The following GSTCD variants were observed in gnomAD, a reference collection of about 807,000 sequenced individuals.
GSTCD encodes the protein glutathione S-transferase C-terminal domain-containing protein.
GSTCD carries 44 observed loss-of-function variants against 68.3 expected under a neutral mutation model. The observed-to-expected ratio is 0.64, with a 90% confidence interval of 0.51 to 0.83. The LOEUF is 0.83. Ranked by LOEUF, GSTCD falls within the 40% of genes least tolerant of loss-of-function variation. The pLI is 0.00. For missense variants in GSTCD, 739 were observed against 735.9 expected (o/e 1.00, Z -0.05); for synonymous variants, 273 against 255.2 (o/e 1.07, Z -0.67).
At chr4:105,777,802 C>G (rs1735127017) in intron 5 of GSTCD, among the ~76,000 whole-genome samples, 1 of 152,142 alleles carries the variant, frequency 6.6e-6, no homozygotes, top group Non-Finnish European at 1.5e-5. Context: ...GTTTGTAACA[C>G]ACTTAGTACC....
chr4:105,834,533 G>C lies in GSTCD; in HGVS notation c.1603G>C (p.Val535Leu), dbSNP rs745737813. ...EHCIKTRASF[V>L]TCPCCYGFIQ... The stretch of plus-strand genomic sequence containing the variant: ...CTGTATCAAAACACGGGCTTCCTTC[G>C]TCACATGCCCTTGCTGTTATGGTTT... The change falls in exon 9 of 12, where the codon GTC becomes CTC. Residue 535 changes from valine (V) to leucine (L), a missense_variant. Val to Leu is a conservative substitution (Grantham distance 32, BLOSUM62 1). Coordinates refer to ENST00000515279, the MANE Select transcript of GSTCD (RefSeq NM_001370181.1). 2 of 1,614,076 alleles carry C rather than the reference G, an allele frequency of 1.2e-6. No individual in the cohort carries two copies. Among genetic ancestry groups the C allele is most frequent in the Non-Finnish European group, 1.7e-6 (2 of 1,179,976 alleles).
intron 5 of GSTCD, among the ~76,000 whole-genome samples, chr4:105,763,944 C>CA (rs879607284): frequency 8.9e-5 from 13 of 145,838 alleles, no homozygotes; most frequent in South Asian, 4.4e-4. Flanking sequence ...TTATTGGTCA[C>CA]AAAAAAAAAA....
intron 5 of GSTCD, among the ~76,000 whole-genome samples, chr4:105,780,185 C>T (rs1397053710): frequency 2.0e-5 from 3 of 152,148 alleles, no homozygotes; most frequent in Non-Finnish European, 4.4e-5. Flanking sequence ...AAGATGGTAT[C>T]CTCACCACAT....
At chr4:105,746,124 A>G (rs1313775871) in intron 5 of GSTCD, 1 of 152,218 alleles carries the variant, frequency 6.6e-6, no homozygotes, top group Non-Finnish European at 1.5e-5. Context: ...CTCCCCAAAA[A>G]CTTAATAGCC....
At chr4:105,729,359 G>T in intron 4 of GSTCD, 47 bp from the exon 5 acceptor site, 2 of 1,171,410 alleles carry the variant, frequency 1.7e-6, no homozygotes, top group Non-Finnish European at 1.3e-6. Context: ...AATATAATAA[G>T]ACTATATTAA....
chr4:105,847,148 G>A lies in GSTCD; in HGVS notation c.*1571G>A, dbSNP rs1724579671. 6.6e-6 allele frequency: 1 copy of A among 152,084 alleles called. No individual in the cohort carries two copies. The highest frequency in any genetic ancestry group is 2.4e-5 in the African/African-American group (1 of 41,408). The allele number at this position is 152,084 out of a possible 1,614,324, so 9.4% of individuals were successfully genotyped here. On this transcript the variant is annotated 3_prime_UTR_variant, in exon 12 of 12. Coordinates refer to ENST00000515279, the MANE Select transcript of GSTCD (RefSeq NM_001370181.1). Reference sequence around the variant, plus strand: ...AAATGATGCATCCTTTCTCAATGCTGCTAATTCTTTAAATTTTACATGTCC... The same window carrying A: ...AAATGATGCATCCTTTCTCAATGCTACTAATTCTTTAAATTTTACATGTCC...
intron 3 of GSTCD, among the ~76,000 whole-genome samples, chr4:105,722,860 T>C (rs558410825): frequency 1.3e-5 from 2 of 152,030 alleles, no homozygotes; most frequent in African/African-American, 4.8e-5. Flanking sequence ...AATCATTCCT[T>C]ATGAAGAAAT....
intron 5 of GSTCD, among the ~76,000 whole-genome samples, chr4:105,765,276 C>A (rs564452262): frequency 1.4e-4 from 21 of 152,264 alleles, no homozygotes; most frequent in African/African-American, 4.8e-4. Context: ...AGGTAAAACT[C>A]ATTTGATCAG....
intron 5 of GSTCD, among the ~76,000 whole-genome samples, chr4:105,744,418 A>G (rs1434614274): frequency 6.6e-6 from 1 of 152,172 alleles, no homozygotes; most frequent in African/African-American, 2.4e-5. Context: ...CTTCTTGCCT[A>G]TGATAGTTAC....
At chr4:105,779,347 C>T (rs1285839086) in intron 5 of GSTCD, among the ~76,000 whole-genome samples, 4 of 152,094 alleles carry the variant, frequency 2.6e-5, no homozygotes, top group Admixed American at 2.6e-4. Flanking sequence ...GCAGGAATAG[C>T]ATAGAAGTGA....
chr4:105,823,091 C>A, intron 6 of GSTCD, 22 bp downstream of exon 6: 1 of 1,587,732 alleles, frequency 6.3e-7, no homozygotes, highest in Non-Finnish European at 8.6e-7. Context: ...CTCCTTTCAT[C>A]CTTTTTAGTC....
At chr4:105,842,390 A>G (rs1481957629) in intron 11 of GSTCD, among the ~76,000 whole-genome samples, 1 of 152,254 alleles carries the variant, frequency 6.6e-6, no homozygotes, top group East Asian at 1.9e-4. Flanking sequence ...TTCTTACATT[A>G]AATCTCTTAC....
chr4:105,807,673 A>C (rs1275032503), intron 5 of GSTCD, among the ~76,000 whole-genome samples: 1 of 152,112 alleles, frequency 6.6e-6, no homozygotes, highest in East Asian at 1.9e-4. Flanking sequence ...CCAGCATACT[A>C]TAGAGCTAAT....
chr4:105,725,771 A>G (rs1733010053), intron 3 of GSTCD, among the ~76,000 whole-genome samples: 2 of 152,294 alleles, frequency 1.3e-5, no homozygotes, highest in Non-Finnish European at 2.9e-5. Flanking sequence ...ATGGCAAATA[A>G]TCACATGAAA....
chr4:105,842,322 A>G (rs1486177390), intron 11 of GSTCD, among the ~76,000 whole-genome samples, 188 bp downstream of exon 11: 12 of 152,206 alleles, frequency 7.9e-5, no homozygotes, highest in Non-Finnish European at 1.6e-4. Context: ...ATTTTATCCT[A>G]TTTTGGTTAA....
intron 1 of GSTCD, among the ~76,000 whole-genome samples, chr4:105,713,757 T>C (rs943647552): frequency 6.6e-6 from 1 of 151,880 alleles, no homozygotes; most frequent in Non-Finnish European, 1.5e-5. Flanking sequence ...AGATAACTTA[T>C]TTGAAAAAAC....
chr4:105,731,861 C>CA (rs1303521646), intron 5 of GSTCD, among the ~76,000 whole-genome samples: 1 of 152,136 alleles, frequency 6.6e-6, no homozygotes, highest in Non-Finnish European at 1.5e-5. Context: ...TTTTGAGAAA[C>CA]ATCCCATCAA....
chr4:105,737,619 C>T (rs1337883292), intron 5 of GSTCD, among the ~76,000 whole-genome samples: 1 of 152,118 alleles, frequency 6.6e-6, no homozygotes, highest in Non-Finnish European at 1.5e-5. Flanking sequence ...TTGGGTCTTA[C>T]ATTTAAGTCT....
chr4:105,813,210 A>G (rs1722824945), intron 5 of GSTCD, among the ~76,000 whole-genome samples: 2 of 152,230 alleles, frequency 1.3e-5, no homozygotes, highest in Non-Finnish European at 2.9e-5. Context: ...GATATAATAA[A>G]TAAAATATGC....
Sources: allele counts gnomAD v4.1 joint callset (sites outside exome capture counted in the v4.1 genomes callset), GRCh38; gene constraint gnomAD v4.1.1; transcripts MANE v1.5; gene names NCBI Gene and HGNC (gene_info 2026-07-23, HGNC 2026-07-21).